The following MMRN2 variants were observed in gnomAD, a reference collection of about 807,000 sequenced individuals.
MMRN2 encodes the protein multimerin 2.
A neutral mutation model predicts 68.8 loss-of-function variants in MMRN2; 53 were observed. The observed-to-expected ratio is 0.77, with a 90% CI of 0.62 to 0.97. The LOEUF is 0.97. Ranked by LOEUF, MMRN2 falls within the 50% of genes least tolerant of loss-of-function variation. The pLI, the probability that MMRN2 is intolerant of heterozygous loss-of-function variation, is 0.00. For synonymous variants in MMRN2, 564 were observed against 551.6 expected (o/e 1.02, Z -0.32); for missense variants, 1,266 against 1,259.5 (o/e 1.01, Z -0.08).
intron 6 of MMRN2, among the ~76,000 whole-genome samples, chr10:86,938,572 T>G (rs1399647434): frequency 1.3e-5 from 2 of 152,224 alleles, no homozygotes; most frequent in Admixed American, 1.3e-4. Context: ...CCTACTTGGG[T>G]CCTGGCTGTG....
chr10:86,951,812 C>T (rs1439401014), intron 1 of MMRN2, among the ~76,000 whole-genome samples: 6 of 152,200 alleles, frequency 3.9e-5, no homozygotes, highest in Non-Finnish European at 7.3e-5. Flanking sequence ...CTTTGGGAGG[C>T]CCAGGCAGGA....
At chr10:86,956,538 C>T (rs1359709962) in intron 1 of MMRN2, among the ~76,000 whole-genome samples, 1 of 152,212 alleles carries the variant, frequency 6.6e-6, no homozygotes, top group East Asian at 1.9e-4. Context: ...CTGGGGCTGG[C>T]TCCAAGTGCT....
intron 4 of MMRN2, among the ~76,000 whole-genome samples, chr10:86,944,760 A>C (rs1018219618): frequency 1.1e-4 from 16 of 151,906 alleles, no homozygotes; most frequent in African/African-American, 3.9e-4. Flanking sequence ...TTACTTTCTC[A>C]ATCTTGGGCC....
chr10:86,949,152 A>G (rs1008245970), intron 1 of MMRN2: 1 of 152,210 alleles, frequency 6.6e-6, no homozygotes, highest in Non-Finnish European at 1.5e-5. Context: ...ATACAAAATC[A>G]GTAATTGGAA....
rs138136460 is a variant in MMRN2, at chr10:86,936,109, T to C, written c.*634A>G. ...GATGTGGGGATTATAGGGATTACAA[T>C]TCAAGATGATATTTTAGGTGGGGGC... On this transcript the variant is annotated 3_prime_UTR_variant, in exon 7 of 7. Transcript: ENST00000372027. 7.9e-5 allele frequency: 21 copies of C among 265,012 alleles called. No homozygotes were observed. The highest frequency in any genetic ancestry group is 4.6e-4 in the African/African-American group (21 of 45,932). The allele number at this position is 265,012 out of a possible 1,614,324, so 16.4% of individuals were successfully genotyped here. A position where few individuals can be genotyped will look rare whatever the true frequency, so the allele number is the denominator to read the frequency against.
chr10:86,955,985 G>T (rs560310217), intron 1 of MMRN2, among the ~76,000 whole-genome samples: 29 of 152,134 alleles, frequency 1.9e-4, no homozygotes, highest in Non-Finnish European at 4.1e-4. Context: ...AACCAAGGGG[G>T]TGGGGAGGAA....
intron 1 of MMRN2, among the ~76,000 whole-genome samples, chr10:86,946,281 T>C (rs1844068108): frequency 6.6e-6 from 1 of 152,236 alleles, no homozygotes; most frequent in Non-Finnish European, 1.5e-5. Flanking sequence ...GCCTGGCTCC[T>C]GACAAGCGTT....
Position 86,945,369 on chromosome 10 carries a change from C to A in MMRN2, c.400+1G>T. 6.3e-7 allele frequency: 1 copy of A among 1,595,456 alleles called. No individual in the cohort carries two copies. Among genetic ancestry groups the A allele is most frequent in the Non-Finnish European group, 8.5e-7 (1 of 1,170,598 alleles). On this transcript the variant is annotated splice_donor_variant, in intron 3 of 6. Transcript: ENST00000372027. LOFTEE classifies it high-confidence loss of function. ...GGGAAGGGGGCCGCAGGGAGCCCTA[C>A]CGTGGTGCTCGCAGTTGGGGCCCGT...
intron 4 of MMRN2, chr10:86,944,665 C>A: frequency 3.7e-6 from 2 of 544,410 alleles, no homozygotes; most frequent in Non-Finnish European, 6.4e-6. Flanking sequence ...TGGTACACTC[C>A]CCTCCTCAGC....
At chr10:86,945,763 G>A (rs533196244) in intron 1 of MMRN2, 74 bp from the exon 2 acceptor site, 126 of 1,604,678 alleles carry the variant, frequency 7.9e-5, no homozygotes, top group East Asian at 2.0e-4. Context: ...CAGAGCCACC[G>A]GTCCTCGCCT....
In MMRN2 at chr10:86,955,415, G is replaced by A. The variant is rs370990508; in HGVS notation, c.164+1963C>T. On this transcript the variant is annotated intron_variant, in intron 1 of 6. Coordinates refer to ENST00000372027, the MANE Select transcript of MMRN2 (RefSeq NM_024756.3). ...AACCCCTTCGCTTCTCCACCTCAGG[G>A]AAGTCTGAGGACGTAGTGGTTCTAT... Among the ~76,000 whole-genome samples the A allele has an allele frequency of 3.9e-5, 6 of 152,334 alleles. No individual in the cohort carries two copies. In the East Asian group the frequency reaches 7.7e-4, roughly 20 times the overall value.
rs1336720997 is a variant in MMRN2 at position 86,943,498 on chromosome 10, A to G, written c.1286T>C (p.Val429Ala). 6.2e-7 allele frequency: 1 copy of G among 1,614,182 alleles called. No individual in the cohort carries two copies. The highest frequency in any genetic ancestry group is 8.5e-7 in the Non-Finnish European group (1 of 1,180,028). The change falls in exon 6 of 7, where the codon GTG becomes GCG. Residue 429 changes from valine (V) to alanine (A), a missense_variant. Physicochemically the swap from Val to Ala is moderately conservative, Grantham distance 64. Coordinates refer to ENST00000372027, the MANE Select transcript of MMRN2 (RefSeq NM_024756.3). The surrounding 1 kb of genome is among the most constrained non-coding windows in gnomAD (Gnocchi z 4.2). Reference protein sequence around the residue: ...SDETFDQISKVERQVEELQVN... With the variant: ...SDETFDQISKAERQVEELQVN... ...CTGCAGCTCCTCCACCTGCCGCTCC[A>G]CCTTGCTAATCTGATCGAAAGTCTC...
At chr10:86,944,182 A>G in intron 5 of MMRN2, 54 bp from the exon 6 acceptor site, 1 of 1,595,818 alleles carries the variant, frequency 6.3e-7, no homozygotes, top group Non-Finnish European at 8.6e-7. Flanking sequence ...CACTCCTCCC[A>G]GGCTGGGACC....
At position 86,936,427 on chromosome 10, in the gene MMRN2, C is replaced by A; in HGVS notation, c.*316G>T. 2.1e-6 allele frequency: 1 copy of A among 472,506 alleles called. No homozygotes were observed. The highest frequency in any genetic ancestry group is 1.9e-5 in the African/African-American group (1 of 51,976). 29.3% of individuals were successfully genotyped at this position (472,506 alleles called of 1,614,324 possible). On this transcript the variant is annotated 3_prime_UTR_variant, in exon 7 of 7. Transcript: ENST00000372027. ...TCCAACCACAGGAGGAGCAAAACACCAAAGAAGTTGTAGAATACAGGGTGT... is the reference window on the plus strand; with the variant it reads ...TCCAACCACAGGAGGAGCAAAACACAAAAGAAGTTGTAGAATACAGGGTGT...
chr10:86,944,392 T>C lies in MMRN2; in HGVS notation c.525A>G (p.Glu175=), dbSNP rs551759787. The part of the protein sequence containing the change: ...AVINEVEVQQ[E]QQEHLLGDLQ... ...GATCTCCCAGCAGATGTTCCTGCTG[T>C]TCCTGTTGCACCTCAACCTCATTGA... is the stretch of plus-strand genomic sequence containing the variant. Residue 175 remains glutamate, a synonymous_variant, in exon 5 of 7, where the codon GAA becomes GAG. Transcript: ENST00000372027. 1.9e-6 allele frequency: 3 copies of C among 1,613,992 alleles called. No homozygotes were observed. In the South Asian group the frequency reaches 3.3e-5, roughly 18 times the overall value.
Position 86,943,396 on chromosome 10 carries a change from T to A in MMRN2, c.1388A>T (p.Glu463Val). The change falls in exon 6 of 7, where the codon GAG becomes GTG. Residue 463 changes from glutamate to valine, a missense_variant. Coordinates refer to ENST00000372027, the MANE Select transcript of MMRN2 (RefSeq NM_024756.3). This position sits in a 1 kb window ranked among gnomAD's most constrained non-coding sequence, Gnocchi z 4.2. ...GAGCTCCAGGAGCTGCCGCTCCACC[T>A]CCTCCTTGTTCTCCTCCATGATCAG... ...KSLIMEENKE[E>V]VERQLLELNL... 6.2e-7 allele frequency: 1 copy of A among 1,614,038 alleles called. No homozygotes were observed. The highest frequency in any genetic ancestry group is 8.5e-7 in the Non-Finnish European group (1 of 1,179,976).
At chr10:86,957,173 CGACAGGGA>C (rs969446847) in intron 1 of MMRN2, among the ~76,000 whole-genome samples, 197 bp downstream of exon 1, 1 of 152,234 alleles carries the variant, frequency 6.6e-6, no homozygotes, top group Non-Finnish European at 1.5e-5. Flanking sequence ...GCCATGGCTC[CGACAGGGA>C]ACTCCCTGCA....
rs116210312 is a variant in MMRN2 at position 86,947,810 on chromosome 10, T to A, written c.165-2121A>T. Among the ~76,000 whole-genome samples, 875 of 152,188 alleles carry A rather than the reference T, an allele frequency of 5.7e-3. 8 individuals carry two copies. Among genetic ancestry groups the A allele is most frequent in the African/African-American group, 0.02 (846 of 41,532 alleles). ...GACAGCAGGGGTTCTCCCATAAAAA[T>A]AGCCAACCAGAAGATCCTATGACAA... On this transcript the variant is annotated intron_variant, in intron 1 of 6. Coordinates refer to ENST00000372027, the MANE Select transcript of MMRN2 (RefSeq NM_024756.3).
In MMRN2 at chr10:86,947,921, T is replaced by C. The variant is rs538536102; in HGVS notation, c.165-2232A>G. Among the ~76,000 whole-genome samples the C allele has an allele frequency of 3.3e-5, 5 of 152,246 alleles. No homozygotes were observed. In the South Asian group the frequency reaches 8.3e-4, roughly 25 times the overall value. ...CTCTTAAGTGAGCAGACATCCAAGA[T>C]TTACCCAAGAAACACTGTATTCCAA... On this transcript the variant is annotated intron_variant, in intron 1 of 6. Transcript: ENST00000372027.
Sources: allele counts gnomAD v4.1 joint callset (sites outside exome capture counted in the v4.1 genomes callset), GRCh38; gene constraint gnomAD v4.1.1; non-coding constraint Gnocchi (gnomAD v3.1); transcripts MANE v1.5; gene names NCBI Gene and HGNC (gene_info 2026-07-23, HGNC 2026-07-21).